GRIA1: variants seen among roughly 807,000 people sequenced by gnomAD.
GRIA1 encodes the protein glutamate ionotropic receptor AMPA type subunit 1.
In GRIA1, 31 loss-of-function variants were observed where a neutral mutation model predicts 99.2. The observed-to-expected ratio is 0.31, with a 90% CI of 0.23 to 0.42. The LOEUF is 0.42. Among genes scored for constraint, GRIA1 ranks in the 10% least tolerant of loss-of-function variants. GRIA1 has a pLI of 1.00. For missense variants in GRIA1, 782 were observed against 1,157.5 expected (o/e 0.68, Z 4.71); for synonymous variants, 438 against 432.4 (o/e 1.01, Z -0.16).
chr5:153,683,494 C>T (rs770645589), intron 7 of GRIA1, among the ~76,000 whole-genome samples: 2 of 152,182 alleles, frequency 1.3e-5, no homozygotes, highest in Non-Finnish European at 2.9e-5. Context: ...TGGCTACTCA[C>T]TGGGTTTCTG....
chr5:153,672,932 C>T (rs1308530435), intron 5 of GRIA1, among the ~76,000 whole-genome samples: 3 of 152,218 alleles, frequency 2.0e-5, no homozygotes, highest in African/African-American at 4.8e-5. Flanking sequence ...AGTGGAAGAT[C>T]TGCATGTGAC....
intron 13 of GRIA1, 127 bp downstream of exon 13, chr5:153,770,542 C>T (rs558693648): frequency 3.4e-5 from 29 of 863,362 alleles, no homozygotes; most frequent in Non-Finnish European, 5.4e-6. Context: ...TTCTTCAACA[C>T]CTATGGGCCT....
At chr5:153,567,037 T>C (rs989806479) in intron 2 of GRIA1, among the ~76,000 whole-genome samples, 1 of 152,222 alleles carries the variant, frequency 6.6e-6, no homozygotes, top group African/African-American at 2.4e-5. Flanking sequence ...TCTTTTATTC[T>C]ATGGGTTACC....
chr5:153,511,524 C>T (rs939064591), intron 2 of GRIA1, among the ~76,000 whole-genome samples: 1 of 152,116 alleles, frequency 6.6e-6, no homozygotes, highest in African/African-American at 2.4e-5. Context: ...ACTCAAGGTG[C>T]AACAGTTACA....
At chr5:153,552,500 C>T (rs1416837012) in intron 2 of GRIA1, among the ~76,000 whole-genome samples, 2 of 152,086 alleles carry the variant, frequency 1.3e-5, no homozygotes, top group Non-Finnish European at 2.9e-5. Context: ...CAAGGATTTT[C>T]TAATGTTACT....
At chr5:153,573,053 T>C (rs577801481) in intron 2 of GRIA1, among the ~76,000 whole-genome samples, 206 of 152,242 alleles carry the variant, frequency 1.4e-3, no homozygotes, top group Non-Finnish European at 2.4e-3. Flanking sequence ...TAGGGCCACG[T>C]TGAGTGACAA....
intron 2 of GRIA1, among the ~76,000 whole-genome samples, chr5:153,504,656 A>T (rs1034927426): frequency 1.3e-5 from 2 of 152,174 alleles, no homozygotes; most frequent in African/African-American, 4.8e-5. Flanking sequence ...CTTCTGAGTT[A>T]ATCAAAGCTG....
chr5:153,644,769 G>C (rs1325032217), intron 2 of GRIA1, among the ~76,000 whole-genome samples: 1 of 151,956 alleles, frequency 6.6e-6, no homozygotes, highest in Admixed American at 6.6e-5. Flanking sequence ...CTGCTACAAA[G>C]GAGTGATGTT....
chr5:153,491,017 G>C, intron 1 of GRIA1, 47 bp downstream of exon 1: 6 of 1,552,966 alleles, frequency 3.9e-6, no homozygotes, highest in Non-Finnish European at 4.4e-6. Context: ...GTCTGGCCAG[G>C]GATTTTTTTG....
intron 1 of GRIA1, chr5:153,492,321 G>A: frequency 1.3e-6 from 2 of 1,526,992 alleles, no homozygotes; most frequent in Non-Finnish European, 1.8e-6. Context: ...GTACGTATCT[G>A]TGTGTTAGTG....
At chr5:153,809,610 G>C (rs1766672768) in intron 15 of GRIA1, among the ~76,000 whole-genome samples, 1 of 152,206 alleles carries the variant, frequency 6.6e-6, no homozygotes, top group South Asian at 2.1e-4. Flanking sequence ...TAGACTTTTT[G>C]AGATGGATCC....
chr5:153,589,209 A>G (rs1360072401), intron 2 of GRIA1, among the ~76,000 whole-genome samples: 1 of 152,166 alleles, frequency 6.6e-6, no homozygotes, highest in Non-Finnish European at 1.5e-5. Flanking sequence ...TGGAGGAAGG[A>G]TGGTATAGAA....
chr5:153,809,270 G>A (rs758123316), intron 15 of GRIA1, among the ~76,000 whole-genome samples: 1 of 152,194 alleles, frequency 6.6e-6, no homozygotes, highest in Non-Finnish European at 1.5e-5. Context: ...CTTCAAGGTA[G>A]TATTTATTTG....
In GRIA1 at chr5:153,640,433, C is replaced by T. The variant is rs540732922; in HGVS notation, c.221-6495C>T. Among the ~76,000 whole-genome samples, 17 of 152,354 alleles carry T rather than the reference C, an allele frequency of 1.1e-4. No individual in the cohort carries two copies. The South Asian group carries it at 3.5e-3, about 32-fold the overall frequency. ...CCAGCCCGGGCAAGGCCCTTGGCAA[C>T]CTAGTCCCCACCCATCTCCAACTCT... is the stretch of plus-strand genomic sequence containing the variant. On this transcript the variant is annotated intron_variant, in intron 2 of 15. Transcript: ENST00000285900.
At chr5:153,655,730 C>A in intron 4 of GRIA1, 89 bp from the exon 5 acceptor site, 1 of 1,056,532 alleles carries the variant, frequency 9.5e-7, no homozygotes, top group Non-Finnish European at 1.5e-6. Flanking sequence ...ACATTGTAAG[C>A]ACTCGATATC....
At chr5:153,526,443 T>C (rs6873692) in intron 2 of GRIA1, among the ~76,000 whole-genome samples, 25 of 152,378 alleles carry the variant, frequency 1.6e-4, no homozygotes, top group African/African-American at 5.5e-4. Context: ...TGCAATGTTA[T>C]GGTGATAGAT....
intron 11 of GRIA1, among the ~76,000 whole-genome samples, chr5:153,754,138 C>A (rs1035450273): frequency 1.3e-5 from 2 of 152,164 alleles, no homozygotes; most frequent in African/African-American, 4.8e-5. Context: ...TCATTCCCAG[C>A]CCTGGCCTCT....
chr5:153,752,719 T>C (rs939090640), intron 11 of GRIA1, among the ~76,000 whole-genome samples: 24 of 152,180 alleles, frequency 1.6e-4, no homozygotes, highest in African/African-American at 5.5e-4. Flanking sequence ...GAATAAATAG[T>C]ATGGTACTCA....
intron 2 of GRIA1, among the ~76,000 whole-genome samples, chr5:153,554,007 ATTGC>A: frequency 6.6e-6 from 1 of 152,150 alleles, no homozygotes; most frequent in Admixed American, 6.5e-5. Context: ...CCACCCAGTT[ATTGC>A]TCAAGATCAC....
Sources: gnomAD v4.1 joint callset for allele counts (sites outside exome capture counted in the v4.1 genomes callset) on GRCh38, gnomAD v4.1.1 for gene constraint, MANE v1.5 for transcripts, NCBI Gene and HGNC (gene_info 2026-07-23, HGNC 2026-07-21) for gene names.